H3C4: variants seen among roughly 807,000 people sequenced by gnomAD.
H3C4 encodes the protein histone H3.1.
H3C4 carries 10 observed loss-of-function variants against 8.7 expected under a neutral mutation model. That is an observed-to-expected ratio of 1.15 (90% CI 0.71 to 1.96). The LOEUF (loss-of-function observed/expected upper bound fraction) is 1.96, where lower values mean the gene tolerates loss of function less well. Ranked by LOEUF, H3C4 falls within the 30% of genes most tolerant of loss-of-function variation. The probability of loss-of-function intolerance (pLI) is 0.00; values close to 1 mark genes in which losing one functional copy is unlikely to be tolerated. For synonymous variants in H3C4, 141 were observed against 80.1 expected, an observed-to-expected ratio of 1.76 and a Z score of -4.06; for missense variants, 216 against 192.9, an observed-to-expected ratio of 1.12 and a Z score of -0.71.
chr6:26,199,207 C>T (rs762488425), upstream of H3C4: 17 of 1,609,684 alleles, frequency 1.1e-5, no homozygotes, highest in South Asian at 1.1e-5. Flanking sequence ...TTAGCCTTAG[C>T]TCGGGCCTTT....
upstream of H3C4, chr6:26,199,237 C>T (rs761485635): frequency 1.9e-6 from 3 of 1,595,320 alleles, no homozygotes; most frequent in South Asian, 1.1e-5. Flanking sequence ...TTGCCGCGTC[C>T]GGACATTTTG....
upstream of H3C4, among the ~76,000 whole-genome samples, chr6:26,198,215 T>C (rs191106893): frequency 1.3e-5 from 2 of 152,362 alleles, no homozygotes; most frequent in East Asian, 1.9e-4. Context: ...AAACATTAAC[T>C]TCTCTCCTGT....
upstream of H3C4, chr6:26,198,792 T>C (rs1765048757): frequency 6.5e-7 from 1 of 1,541,856 alleles, no homozygotes; most frequent in East Asian, 2.2e-5. Context: ...CATGGGTGGC[T>C]CTGAAAAGAG....
chr6:26,199,241 C>G (rs760518474), upstream of H3C4: 17 of 1,593,242 alleles, frequency 1.1e-5, no homozygotes, highest in Non-Finnish European at 9.4e-6. Flanking sequence ...CGCGTCCGGA[C>G]ATTTTGAATT....
At chr6:26,199,245 T>A, upstream of H3C4, 22 of 1,592,324 alleles carry the variant, frequency 1.4e-5, no homozygotes, top group Non-Finnish European at 1.9e-5. Context: ...TCCGGACATT[T>A]TGAATTCTTA....
upstream of H3C4, chr6:26,198,720 A>C (rs887766468): frequency 1.2e-6 from 1 of 866,362 alleles, no homozygotes; most frequent in African/African-American, 1.7e-5. Context: ...AAATGGAAAA[A>C]TTATTAAAGA....
upstream of H3C4, among the ~76,000 whole-genome samples, chr6:26,197,497 A>T (rs1261786814): frequency 6.6e-6 from 1 of 151,976 alleles, no homozygotes; most frequent in African/African-American, 2.4e-5. Flanking sequence ...TCTAGCTTTT[A>T]TTTAAAACGT....
upstream of H3C4, chr6:26,198,728 A>G (rs1254550618): frequency 5.2e-6 from 5 of 958,200 alleles, no homozygotes; most frequent in Non-Finnish European, 6.2e-6. Flanking sequence ...AAATTATTAA[A>G]GAAAACTGCA....
At chr6:26,198,831 C>T (rs558541909), upstream of H3C4, 165 of 1,604,376 alleles carry the variant, frequency 1.0e-4, 1 homozygote, top group South Asian at 1.7e-3. Context: ...CCTTAAAAAG[C>T]CAATATAAGA....
upstream of H3C4, chr6:26,197,296 G>T (rs1027337182): frequency 7.6e-6 from 12 of 1,583,348 alleles, no homozygotes; most frequent in African/African-American, 2.7e-5. Context: ...CGAAAGTCTA[G>T]CCTTTCGTAC....
rs757049408 is a variant in H3C4, at chr6:26,196,803, C to T, written c.*37G>A. On this transcript the variant is annotated 3_prime_UTR_variant, in exon 1 of 1. Coordinates refer to ENST00000356476, the MANE Select transcript of H3C4 (RefSeq NM_001376937.1). ...AAAAGGTGGTTGGCTCTGAAAAGAG[C>T]CTTTGGGTTTTGGTTAGCACACATT... 1 of 1,610,810 alleles carries T rather than the reference C, an allele frequency of 6.2e-7. No homozygotes were observed. Among genetic ancestry groups the T allele is most frequent in the Non-Finnish European group, 8.5e-7 (1 of 1,178,538 alleles).
At chr6:26,199,131 C>T (rs774951576), upstream of H3C4, 18 of 1,614,112 alleles carry the variant, frequency 1.1e-5, no homozygotes, top group Admixed American at 5.0e-5. Flanking sequence ...GGAGTAGTTG[C>T]CCTTGCGGAG....
upstream of H3C4, chr6:26,198,766 G>C (rs1380119783): frequency 5.3e-6 from 7 of 1,326,182 alleles, no homozygotes; most frequent in African/African-American, 1.5e-5. Context: ...GAAAATGTGA[G>C]CCCTTTTAAG....
upstream of H3C4, among the ~76,000 whole-genome samples, chr6:26,197,494 T>G (rs542336614): frequency 6.6e-6 from 1 of 152,182 alleles, no homozygotes; most frequent in South Asian, 2.1e-4. Context: ...GTTTCTAGCT[T>G]TTATTTAAAA....
chr6:26,198,729 G>A (rs754117574), upstream of H3C4: 1 of 974,776 alleles, frequency 1.0e-6, no homozygotes, highest in Non-Finnish European at 1.5e-6. Flanking sequence ...AATTATTAAA[G>A]AAAACTGCAA....
upstream of H3C4, among the ~76,000 whole-genome samples, chr6:26,198,668 G>C (rs530307166): frequency 6.6e-6 from 1 of 152,296 alleles, no homozygotes; most frequent in East Asian, 1.9e-4. Flanking sequence ...CTTTAAAATG[G>C]ACGGTTAGTT....
upstream of H3C4, chr6:26,198,745 C>G (rs548651970): frequency 2.2e-5 from 25 of 1,118,870 alleles, no homozygotes; most frequent in Non-Finnish European, 2.8e-5. Flanking sequence ...TGCAAAATAG[C>G]TATTTACACA....
upstream of H3C4, chr6:26,199,083 G>C (rs765226599): frequency 3.1e-6 from 5 of 1,613,966 alleles, no homozygotes; most frequent in Admixed American, 1.7e-5. Context: ...CTCCAACACC[G>C]CCGCCAGATA....
upstream of H3C4, chr6:26,197,336 T>C (rs1463277771): frequency 1.4e-6 from 2 of 1,441,410 alleles, no homozygotes; most frequent in African/African-American, 2.9e-5. Context: ...CCTGTTCTGA[T>C]TGGACAAGGC....
Sources: gnomAD v4.1 joint callset for allele counts (sites outside exome capture counted in the v4.1 genomes callset) on GRCh38, gnomAD v4.1.1 for gene constraint, MANE v1.5 for transcripts, NCBI Gene and HGNC (gene_info 2026-07-23, HGNC 2026-07-21) for gene names.